The following NOX4 variants were observed in gnomAD, a reference collection of about 807,000 sequenced individuals.
The protein encoded by NOX4 is kidney oxidase-1.
Under a neutral mutation model 87.6 loss-of-function variants are expected in NOX4, and 69 were observed. The ratio of observed to expected loss-of-function variants is 0.79; its 90% CI spans 0.65 to 0.96. The LOEUF (loss-of-function observed/expected upper bound fraction) is 0.96, where lower values mean the gene tolerates loss of function less well. Among genes scored for constraint, NOX4 ranks in the 40% least tolerant of loss-of-function variants. The pLI is 0.00. For missense variants in NOX4, 680 were observed against 681.5 expected (o/e 1.00, Z 0.02); for synonymous variants, 275 against 238.2 (o/e 1.15, Z -1.42).
At chr11:89,575,952 C>A in the NOX4 span, among the ~76,000 whole-genome samples, 7 of 152,254 alleles carry the variant, frequency 4.6e-5, no homozygotes, top group Non-Finnish European at 1.0e-4. Flanking sequence ...TTTAATGTGT[C>A]TCCTAGTTAT....
chr11:89,369,288 A>G (rs2135042005), intron 12 of NOX4, among the ~76,000 whole-genome samples: 1 of 152,206 alleles, frequency 6.6e-6, no homozygotes, highest in East Asian at 1.9e-4. Context: ...TACCATCCAC[A>G]GGGGCTGGGA....
chr11:89,466,574 C>G (rs753731051), intron 2 of NOX4, among the ~76,000 whole-genome samples: 2 of 152,122 alleles, frequency 1.3e-5, no homozygotes, highest in Non-Finnish European at 1.5e-5. Context: ...TATTATTAAT[C>G]GAACACATAT....
intron 8 of NOX4, among the ~76,000 whole-genome samples, chr11:89,411,980 TTC>T (rs1942505095): frequency 6.6e-6 from 1 of 152,018 alleles, no homozygotes; most frequent in African/African-American, 2.4e-5. Flanking sequence ...GAAAAACATA[TTC>T]CATGCCAATG....
At chr11:89,438,860 A>G (rs1442556080) in intron 6 of NOX4, among the ~76,000 whole-genome samples, 5 of 43,692 alleles carry the variant, frequency 1.1e-4, no homozygotes, top group African/African-American at 9.9e-4. Flanking sequence ...ATAATATATT[A>G]TATATTATAT....
the NOX4 span, among the ~76,000 whole-genome samples, chr11:89,521,966 A>C: frequency 6.6e-6 from 1 of 152,134 alleles, no homozygotes; most frequent in South Asian, 2.1e-4. Flanking sequence ...GCAAATCAAA[A>C]CCACAATGAG....
chr11:89,560,961 C>CATCTCAT, the NOX4 span, among the ~76,000 whole-genome samples: 1 of 52,560 alleles, frequency 1.9e-5, no homozygotes, highest in Non-Finnish European at 3.2e-5. Context: ...CATCTCATCT[C>CATCTCAT]GTCTCTCTCT....
intron 2 of NOX4, among the ~76,000 whole-genome samples, chr11:89,463,734 G>T (rs965839637): frequency 6.8e-6 from 1 of 147,928 alleles, no homozygotes; most frequent in African/African-American, 2.7e-5. Flanking sequence ...TACATCTTAA[G>T]TTGGAACACC....
At chr11:89,328,939 C>T (rs1565163862) in intron 17 of NOX4, among the ~76,000 whole-genome samples, 1 of 152,000 alleles carries the variant, frequency 6.6e-6, no homozygotes, top group African/African-American at 2.4e-5. Context: ...TCTCAGGAAA[C>T]CAGTCCTGCC....
intron 8 of NOX4, among the ~76,000 whole-genome samples, chr11:89,411,108 T>C (rs1385190573): frequency 1.3e-5 from 2 of 152,150 alleles, no homozygotes; most frequent in African/African-American, 4.8e-5. Flanking sequence ...ATGACATTTC[T>C]AGACACACCC....
chr11:89,532,145 G>C, the NOX4 span, among the ~76,000 whole-genome samples: 2 of 152,172 alleles, frequency 1.3e-5, no homozygotes, highest in African/African-American at 4.8e-5. Flanking sequence ...GTCCCCACTG[G>C]GGCACTGCCT....
chr11:89,504,411 G>A, the NOX4 span, among the ~76,000 whole-genome samples: 1 of 151,932 alleles, frequency 6.6e-6, no homozygotes, highest in East Asian at 1.9e-4. Flanking sequence ...AATGTTATCA[G>A]TTTTCTTTTA....
intron 8 of NOX4, among the ~76,000 whole-genome samples, chr11:89,414,298 T>A (rs921507927): frequency 6.6e-6 from 1 of 152,054 alleles, no homozygotes; most frequent in Non-Finnish European, 1.5e-5. Context: ...CATTATCAAA[T>A]TCATCCCACA....
chr11:89,522,592 T>C, the NOX4 span, among the ~76,000 whole-genome samples: 6 of 152,042 alleles, frequency 3.9e-5, no homozygotes, highest in Admixed American at 1.3e-4. Context: ...CTCAACATCA[T>C]ACAATACACC....
At chr11:89,468,082 C>G (rs192441414) in intron 2 of NOX4, among the ~76,000 whole-genome samples, 20 of 152,180 alleles carry the variant, frequency 1.3e-4, no homozygotes, top group African/African-American at 4.1e-4. Flanking sequence ...CTAGCTCATA[C>G]TGTACCTCCC....
chr11:89,489,670 G>A lies in NOX4; in HGVS notation c.153+788C>T, dbSNP rs191915989. 7.1e-4 allele frequency among the ~76,000 whole-genome samples: 106 copies of A among 150,018 alleles called. 1 individual carries two copies. The Middle Eastern group carries it at 0.017, about 25-fold the overall frequency. On this transcript the variant is annotated intron_variant, in intron 2 of 17. Transcript: ENST00000263317. ...TTGAACCAGGCAATCAGAGGTTGCA[G>A]TGAGCTGAGATCACTCCACTGCACT... is the stretch of plus-strand genomic sequence containing the variant.
intron 11 of NOX4, among the ~76,000 whole-genome samples, chr11:89,390,306 G>A (rs548651296): frequency 2.6e-5 from 4 of 152,102 alleles, no homozygotes; most frequent in Admixed American, 2.6e-4. Flanking sequence ...CTCCCTTGGG[G>A]GATAGTACAA....
intron 7 of NOX4, among the ~76,000 whole-genome samples, chr11:89,422,413 A>T (rs906922520): frequency 6.6e-6 from 1 of 152,154 alleles, no homozygotes; most frequent in East Asian, 1.9e-4. Flanking sequence ...AAAAGAGATA[A>T]ATGAAATAGA....
At chr11:89,463,695 G>A (rs1468554850) in intron 2 of NOX4, among the ~76,000 whole-genome samples, 2 of 146,658 alleles carry the variant, frequency 1.4e-5, no homozygotes, top group Admixed American at 1.3e-4. Flanking sequence ...GATATAAAAA[G>A]CAATTAATAT....
intron 8 of NOX4, among the ~76,000 whole-genome samples, chr11:89,404,010 G>A (rs1287876848): frequency 6.6e-6 from 1 of 152,062 alleles, no homozygotes; most frequent in Non-Finnish European, 1.5e-5. Flanking sequence ...TCAGGGGCAT[G>A]CATTACATGA....
Sources: allele counts gnomAD v4.1 joint callset (sites outside exome capture counted in the v4.1 genomes callset), GRCh38; gene constraint gnomAD v4.1.1; transcripts MANE v1.5; gene names NCBI Gene and HGNC (gene_info 2026-07-23, HGNC 2026-07-21).